CFAP92: variants seen among roughly 807,000 people sequenced by gnomAD.
CFAP92 encodes the protein uncharacterized protein CFAP92.
A neutral mutation model predicts 106.3 loss-of-function variants in CFAP92; 86 were observed. The observed-to-expected ratio is 0.81, with a 90% CI of 0.68 to 0.97. The LOEUF (loss-of-function observed/expected upper bound fraction) is 0.97, where lower values mean the gene tolerates loss of function less well. CFAP92 is among the 50% of genes least tolerant of loss of function. The pLI, the probability that CFAP92 is intolerant of heterozygous loss-of-function variation, is 0.00. For synonymous variants in CFAP92, 477 were observed against 506.4 expected (o/e 0.94, Z 0.78); for missense variants, 1,204 against 1,283.8 (o/e 0.94, Z 0.95).
intron 3 of CFAP92, 150 bp downstream of exon 3, chr3:128,988,578 C>A (rs1944008700): frequency 2.8e-6 from 2 of 710,238 alleles, no homozygotes; most frequent in Non-Finnish European, 4.6e-6. Flanking sequence ...ATGATCAGGC[C>A]AGTGCAGATT....
At chr3:128,927,779 TAATTC>T (rs1344711516) in intron 12 of CFAP92, among the ~76,000 whole-genome samples, 1 of 150,182 alleles carries the variant, frequency 6.7e-6, no homozygotes, top group African/African-American at 2.5e-5. Context: ...ATACAAAAAG[TAATTC>T]AATTCATAAC....
chr3:129,024,959 C>T, the CFAP92 span, among the ~76,000 whole-genome samples: 5 of 152,242 alleles, frequency 3.3e-5, no homozygotes, highest in African/African-American at 7.2e-5. Context: ...CCAAACCCAG[C>T]GGCCACTCTT....
intron 15 of CFAP92, chr3:128,912,743 G>A (rs1936484779): frequency 2.3e-6 from 2 of 864,272 alleles, no homozygotes; most frequent in Non-Finnish European, 2.0e-6. Flanking sequence ...CTGAAGGGTT[G>A]TCGCCTGGCC....
chr3:128,961,721 TATTCTC>T (rs1394508852), intron 9 of CFAP92, among the ~76,000 whole-genome samples: 2 of 152,214 alleles, frequency 1.3e-5, no homozygotes, highest in Non-Finnish European at 2.9e-5. Context: ...AAGGCTGTCT[TATTCTC>T]AATATACATT....
the CFAP92 span, among the ~76,000 whole-genome samples, chr3:129,020,366 A>G: frequency 6.6e-6 from 1 of 152,136 alleles, no homozygotes; most frequent in African/African-American, 2.4e-5. Flanking sequence ...GGCTGGACAG[A>G]TGGCCCACAC....
intron 15 of CFAP92, among the ~76,000 whole-genome samples, chr3:128,913,914 C>T (rs1936601300): frequency 6.6e-6 from 1 of 152,050 alleles, no homozygotes; most frequent in Non-Finnish European, 1.5e-5. Context: ...GTCAGACCCA[C>T]CCCCCTTCTG....
intron 10 of CFAP92, among the ~76,000 whole-genome samples, chr3:128,936,022 T>A (rs1192878463): frequency 6.6e-6 from 1 of 152,250 alleles, no homozygotes; most frequent in Non-Finnish European, 1.5e-5. Flanking sequence ...ACTGACCTGA[T>A]CTGGCTCATG....
chr3:128,988,684 G>A (rs778128364), intron 3 of CFAP92, 44 bp downstream of exon 3: 17 of 1,578,688 alleles, frequency 1.1e-5, no homozygotes, highest in Non-Finnish European at 1.3e-5. Context: ...TTTTCGTGAT[G>A]AGCATCAGAC....
In CFAP92 at chr3:128,910,196, C is replaced by T. The variant is rs1418280335; in HGVS notation, c.*103G>A. The T allele has an allele frequency of 2.5e-6, 4 of 1,612,920 alleles. No individual in the cohort carries two copies. In the African/African-American group the frequency reaches 5.3e-5, roughly 22 times the overall value. On this transcript the variant is annotated 3_prime_UTR_variant, in exon 16 of 16. Transcript: ENST00000645291. The stretch of plus-strand genomic sequence containing the variant: ...ACAGGGCCTGGCTGCTGCCATCTGT[C>T]CTGCTGCACTTTAATGAAGTTGATT...
At chr3:129,006,811 G>A (rs923859905), upstream of CFAP92, among the ~76,000 whole-genome samples, 4 of 152,102 alleles carry the variant, frequency 2.6e-5, no homozygotes, top group Admixed American at 6.5e-5. Flanking sequence ...TACCTTGCCC[G>A]GGGGGCTGAC....
At chr3:129,010,753 C>T in the CFAP92 span, among the ~76,000 whole-genome samples, 1 of 152,160 alleles carries the variant, frequency 6.6e-6, no homozygotes, top group Non-Finnish European at 1.5e-5. This position sits in a 1 kb window ranked among gnomAD's most constrained non-coding sequence, Gnocchi z 4.3. Context: ...ATTCCATCGT[C>T]CTTGGAGGTG....
the CFAP92 span, among the ~76,000 whole-genome samples, chr3:129,010,750 C>T: frequency 6.6e-6 from 1 of 152,154 alleles, no homozygotes; most frequent in African/African-American, 2.4e-5. This position sits in a 1 kb window ranked among gnomAD's most constrained non-coding sequence, Gnocchi z 4.3. Flanking sequence ...CGGATTCCAT[C>T]GTCCTTGGAG....
Position 128,945,870 on chromosome 3 carries a change from C to A in CFAP92, c.1459G>T (p.Val487Phe). 1 of 1,480,102 alleles carries A rather than the reference C, an allele frequency of 6.8e-7. No homozygotes were observed. The highest frequency in any genetic ancestry group is 8.9e-7 in the Non-Finnish European group (1 of 1,123,706). 91.7% of individuals were successfully genotyped at this position (1,480,102 alleles called of 1,614,324 possible). ...GGGTGCAGTGCCCCAAGGAAGATGA[C>A]GTTGATGTCCTGGAAATAAACGTGG... ...GTHVYFQDIN[V>F]IFLGALHPSD... The change falls in exon 10 of 16, where the codon GTC becomes TTC. Residue 487 changes from valine to phenylalanine, a missense_variant. Physicochemically the swap from Val to Phe is conservative, Grantham distance 50. Coordinates refer to ENST00000645291, the MANE Select transcript of CFAP92 (RefSeq NM_001394090.1).
upstream of CFAP92, among the ~76,000 whole-genome samples, chr3:129,005,585 C>T (rs1311956135): frequency 6.6e-6 from 1 of 152,234 alleles, no homozygotes; most frequent in Non-Finnish European, 1.5e-5. Context: ...AAGAGATGGG[C>T]AGATGGGGAG....
At chr3:128,996,019 T>G (rs930624284), upstream of CFAP92, among the ~76,000 whole-genome samples, 16 of 152,232 alleles carry the variant, frequency 1.1e-4, no homozygotes, top group Admixed American at 9.2e-4. Flanking sequence ...TGACACTATG[T>G]GATTTCTGAG....
intron 9 of CFAP92, among the ~76,000 whole-genome samples, chr3:128,958,328 G>A (rs1180157946): frequency 6.6e-6 from 1 of 152,180 alleles, no homozygotes; most frequent in African/African-American, 2.4e-5. Context: ...GTAGCACGAA[G>A]GAGATCTTTG....
intron 9 of CFAP92, 122 bp from the exon 10 acceptor site, chr3:128,946,097 A>C: frequency 1.6e-6 from 1 of 616,054 alleles, no homozygotes; most frequent in Non-Finnish European, 2.6e-6. Flanking sequence ...AAGTTTTCTC[A>C]TCCACAAAAT....
chr3:128,982,889 G>T (rs376648397), intron 4 of CFAP92, among the ~76,000 whole-genome samples: 4 of 152,266 alleles, frequency 2.6e-5, no homozygotes, highest in Admixed American at 2.0e-4. Flanking sequence ...CATGCAGTTC[G>T]TGGCACCTCC....
chr3:128,935,581 A>G (rs908568995), intron 10 of CFAP92, among the ~76,000 whole-genome samples: 8 of 152,214 alleles, frequency 5.3e-5, no homozygotes, highest in African/African-American at 1.9e-4. Context: ...GCGTGGTGGC[A>G]CATGTCTGTA....
Sources: allele counts gnomAD v4.1 joint callset (sites outside exome capture counted in the v4.1 genomes callset), GRCh38; gene constraint gnomAD v4.1.1; non-coding constraint Gnocchi (gnomAD v3.1); transcripts MANE v1.5; gene names NCBI Gene and HGNC (gene_info 2026-07-23, HGNC 2026-07-21).